The following VASP variants were observed in gnomAD, a reference collection of about 807,000 sequenced individuals.
The protein encoded by VASP is vasodilator-stimulated phosphoprotein.
Under a neutral mutation model 54.4 loss-of-function variants are expected in VASP, and 27 were observed. The observed-to-expected ratio is 0.50, with a 90% CI of 0.37 to 0.68. The LOEUF is 0.68. VASP is among the 30% of genes least tolerant of loss of function. The pLI is 0.00. For missense variants in VASP, 488 were observed against 528.3 expected, an observed-to-expected ratio of 0.92 and a Z score of 0.75; for synonymous variants, 233 against 209.8, an observed-to-expected ratio of 1.11 and a Z score of -0.96.
chr19:45,519,524 A>AAGTGATCC (rs1225386165), intron 3 of VASP, among the ~76,000 whole-genome samples: 1 of 149,890 alleles, frequency 6.7e-6, no homozygotes, highest in African/African-American at 2.5e-5. Flanking sequence ...TCCTGGGCTC[A>AAGTGATCC]AGTGATCCTC....
At position 45,519,117 on chromosome 19, in the gene VASP, C is replaced by T. The variant is rs181118439; in HGVS notation, c.343+1023C>T. Among the ~76,000 whole-genome samples, 6 of 152,304 alleles carry T rather than the reference C, an allele frequency of 3.9e-5. No homozygotes were observed. The East Asian group carries it at 1.2e-3, about 29-fold the overall frequency. ...GCAACCTCCGCCTCCCGGGTTCAAG[C>T]GATTCTCCTGCCCTAGCCTCCCGAG... On this transcript the variant is annotated intron_variant, in intron 3 of 12. Coordinates refer to ENST00000245932, the MANE Select transcript of VASP (RefSeq NM_003370.4).
chr19:45,519,257 G>T (rs890594934), intron 3 of VASP, among the ~76,000 whole-genome samples: 1 of 151,876 alleles, frequency 6.6e-6, no homozygotes, highest in East Asian at 1.9e-4. Flanking sequence ...CTTGTGATCC[G>T]CCCGCCTAGG....
chr19:45,524,299 G>A, intron 10 of VASP, 157 bp downstream of exon 10: 1 of 863,118 alleles, frequency 1.2e-6, no homozygotes, highest in Non-Finnish European at 1.9e-6. Context: ...CTACTCAGGA[G>A]GCTGAGGTGG....
chr19:45,521,298 G>A, intron 3 of VASP, 24 bp from the exon 4 acceptor site: 1 of 1,554,262 alleles, frequency 6.4e-7, no homozygotes, highest in Non-Finnish European at 8.7e-7. Context: ...ACTGATCCAT[G>A]GCCCTTTCTC....
In VASP at chr19:45,523,707, A is replaced by G; in HGVS notation, c.873+12A>G. On this transcript the variant is annotated intron_variant, in intron 8 of 12. Coordinates refer to ENST00000245932, the MANE Select transcript of VASP (RefSeq NM_003370.4). Reference sequence around the variant, plus strand: ...ATGAATCTGCCAATGTAAGTCAGGGACTCTTCTTGCCCTACATCTCTTAGG... The same window carrying G: ...ATGAATCTGCCAATGTAAGTCAGGGGCTCTTCTTGCCCTACATCTCTTAGG... 1.9e-6 allele frequency: 3 copies of G among 1,613,572 alleles called. No individual in the cohort carries two copies. The highest frequency in any genetic ancestry group is 2.5e-6 in the Non-Finnish European group (3 of 1,179,936).
In VASP at chr19:45,526,155, T is replaced by C. The variant is rs1968962965; in HGVS notation, c.1121T>C (p.Leu374Pro). Residue 374 changes from leucine to proline, a missense_variant, in exon 13 of 13, where the codon CTG becomes CCG. This residue lies in a region of VASP where 126 missense variants were observed against 134.8 expected (regional missense o/e 0.94). Transcript: ENST00000245932. ...TTCCTTCCAGCCTTCGTCCAGGAGCTGAGGAAGCGGGGTTCTCCCTGACCA... is the reference window on the plus strand; with the variant it reads ...TTCCTTCCAGCCTTCGTCCAGGAGCCGAGGAAGCGGGGTTCTCCCTGACCA... ...EEIIEAFVQELRKRGSP is the reference protein window; with the variant it reads ...EEIIEAFVQEPRKRGSP 2 of 1,613,502 alleles carry C rather than the reference T, an allele frequency of 1.2e-6. No homozygotes were observed. Among genetic ancestry groups the C allele is most frequent in the Non-Finnish European group, 1.7e-6 (2 of 1,179,874 alleles).
intron 3 of VASP, among the ~76,000 whole-genome samples, chr19:45,519,991 G>A (rs1190453861): frequency 7.6e-6 from 1 of 130,942 alleles, no homozygotes; most frequent in Admixed American, 9.2e-5. Flanking sequence ...TGCAACCTCC[G>A]CCTCCTGAGT....
chr19:45,522,836 C>T lies in VASP; in HGVS notation c.821+18C>T. 2 of 1,597,342 alleles carry T rather than the reference C, an allele frequency of 1.3e-6. No homozygotes were observed. The highest frequency in any genetic ancestry group is 1.7e-6 in the Non-Finnish European group (2 of 1,173,836). On this transcript the variant is annotated intron_variant, in intron 7 of 12. Coordinates refer to ENST00000245932, the MANE Select transcript of VASP (RefSeq NM_003370.4). ...GCCCGGAGGTGAGCCTGAGCCTGGA[C>T]CCCCAAGTCACCTGGAGTTCCAGTT...
intron 7 of VASP, 35 bp from the exon 8 acceptor site, chr19:45,523,609 A>T: frequency 6.2e-7 from 1 of 1,612,444 alleles, no homozygotes. Context: ...GGGTTGGGTG[A>T]CGGAAGCACG....
rs778173343 is a variant in VASP at position 45,517,954 on chromosome 19, G to A, written c.203G>A (p.Arg68Gln). 26 of 1,525,124 alleles carry A rather than the reference G, an allele frequency of 1.7e-5. No homozygotes were observed. Among genetic ancestry groups the A allele is most frequent in the Admixed American group, 1.8e-5 (1 of 56,538 alleles). The allele number at this position is 1,525,124 out of a possible 1,614,324, so 94.5% of individuals were successfully genotyped here. A position where few individuals can be genotyped will look rare whatever the true frequency, so the allele number is the denominator to read the frequency against. ...GTGGTCATCAACTGTGCCATCGTCC[G>A]GGGTGTCAAGTATAACCAGGCCACC... ...QQVVINCAIV[R>Q]GVKYNQATPN... Residue 68 changes from arginine to glutamine, a missense_variant, in exon 3 of 13, where the codon CGG becomes CAG. Coordinates refer to ENST00000245932, the MANE Select transcript of VASP (RefSeq NM_003370.4).
chr19:45,520,941 G>A (rs1242369112), intron 3 of VASP, among the ~76,000 whole-genome samples: 1 of 152,202 alleles, frequency 6.6e-6, no homozygotes, highest in Non-Finnish European at 1.5e-5. Flanking sequence ...TCCAGCCTGG[G>A]TGACAGAGTG....
At chr19:45,524,954 G>C in intron 11 of VASP, 1 of 332,720 alleles carries the variant, frequency 3.0e-6, no homozygotes, top group Non-Finnish European at 5.9e-6. Flanking sequence ...GCTGGAATGC[G>C]CTTGCCAACC....
intron 1 of VASP, among the ~76,000 whole-genome samples, chr19:45,508,878 C>T (rs1044459589): frequency 6.6e-6 from 1 of 152,208 alleles, no homozygotes; most frequent in African/African-American, 2.4e-5. Flanking sequence ...CCTGGGCTCA[C>T]CTGAGGGCGG....
chr19:45,511,502 A>AG (rs2122285838), intron 1 of VASP, among the ~76,000 whole-genome samples: 1 of 152,262 alleles, frequency 6.6e-6, no homozygotes, highest in Admixed American at 6.5e-5. Context: ...CATGTGCTAG[A>AG]GTTTTCCAAA....
intron 1 of VASP, among the ~76,000 whole-genome samples, chr19:45,509,130 C>T (rs906918219): frequency 1.3e-5 from 2 of 152,228 alleles, no homozygotes; most frequent in African/African-American, 4.8e-5. Flanking sequence ...ATCGGAGTGG[C>T]GTGGCATTCC....
chr19:45,522,600 T>C lies in VASP; in HGVS notation c.720+19T>C. 3 of 1,485,584 alleles carry C rather than the reference T, an allele frequency of 2.0e-6. No individual in the cohort carries two copies. The highest frequency in any genetic ancestry group is 2.7e-6 in the Non-Finnish European group (3 of 1,125,554). The allele number at this position is 1,485,584 out of a possible 1,614,324, so 92.0% of individuals were successfully genotyped here. A position where few individuals can be genotyped will look rare whatever the true frequency, so the allele number is the denominator to read the frequency against. On this transcript the variant is annotated intron_variant, in intron 6 of 12. Coordinates refer to ENST00000245932, the MANE Select transcript of VASP (RefSeq NM_003370.4). ...CAGCAAGGTGAGGGGCCGGGAGAGG[T>C]GGGCAGGGGGCAACAGGGCTTTTAT...
chr19:45,508,942 C>G (rs965362628), intron 1 of VASP, among the ~76,000 whole-genome samples: 3 of 152,160 alleles, frequency 2.0e-5, no homozygotes, highest in South Asian at 2.1e-4. Flanking sequence ...CCTCCCCTGG[C>G]CCCCCATAAT....
intron 1 of VASP, among the ~76,000 whole-genome samples, chr19:45,511,525 G>T (rs1968599709): frequency 6.6e-6 from 1 of 152,152 alleles, no homozygotes; most frequent in Non-Finnish European, 1.5e-5. Context: ...GTGGGGACTT[G>T]CAGGGAGGAG....
intron 7 of VASP, among the ~76,000 whole-genome samples, 178 bp from the exon 8 acceptor site, chr19:45,523,466 G>C (rs1041953952): frequency 6.6e-6 from 1 of 152,016 alleles, no homozygotes; most frequent in African/African-American, 2.4e-5. Flanking sequence ...GCCTCTCAAA[G>C]TGTTGGCATT....
Sources: gnomAD v4.1 joint callset for allele counts (sites outside exome capture counted in the v4.1 genomes callset) on GRCh38, gnomAD v4.1.1 for gene constraint, gnomAD v4.1.1 regional missense constraint, MANE v1.5 for transcripts, NCBI Gene and HGNC (gene_info 2026-07-23, HGNC 2026-07-21) for gene names.